The following CELF2 variants were observed in gnomAD, a reference collection of about 807,000 sequenced individuals.
CELF2 encodes the protein CUGBP Elav-like family member 2, also known as CUG triplet repeat RNA-binding protein 2.
In CELF2, 8 loss-of-function variants were observed where a neutral mutation model predicts 62.6. That is an observed-to-expected ratio of 0.13 (90% CI 0.07 to 0.23). The LOEUF is 0.23. Among genes scored for constraint, CELF2 ranks in the 10% least tolerant of loss-of-function variants. The probability of loss-of-function intolerance (pLI) is 1.00; values close to 1 mark genes in which losing one functional copy is unlikely to be tolerated. For missense variants in CELF2, 333 were observed against 671.0 expected (o/e 0.50, Z 5.56); for synonymous variants, 258 against 250.0 (o/e 1.03, Z -0.30).
intron 11 of CELF2, among the ~76,000 whole-genome samples, chr10:11,323,933 TTC>T (rs1389007522): frequency 5.0e-4 from 75 of 150,016 alleles, no homozygotes; most frequent in African/African-American, 1.7e-3. Flanking sequence ...TTTTTTTTTT[TTC>T]ATTTTAATAT....
At chr10:10,854,313 A>G (rs1333316934) in intron 1 of CELF2, among the ~76,000 whole-genome samples, 2 of 152,148 alleles carry the variant, frequency 1.3e-5, no homozygotes, top group African/African-American at 4.8e-5. Context: ...GTCAGCCCCA[A>G]GCTGTGAAAA....
chr10:10,722,527 A>G, the CELF2 span, among the ~76,000 whole-genome samples: 1 of 152,144 alleles, frequency 6.6e-6, no homozygotes, highest in Non-Finnish European at 1.5e-5. Context: ...AAACACAACT[A>G]TGTCCCTTTT....
the CELF2 span, among the ~76,000 whole-genome samples, chr10:10,524,423 A>T: frequency 6.6e-6 from 1 of 150,382 alleles, no homozygotes; most frequent in Non-Finnish European, 1.5e-5. Flanking sequence ...GTATGAACAC[A>T]GGTTCACAGG....
At chr10:10,695,040 C>A in the CELF2 span, among the ~76,000 whole-genome samples, 1 of 149,078 alleles carries the variant, frequency 6.7e-6, no homozygotes, top group African/African-American at 2.5e-5. Context: ...TGAATTTGAT[C>A]CTGTCATTAT....
At chr10:11,180,962 C>A (rs2073162992) in intron 2 of CELF2, among the ~76,000 whole-genome samples, 1 of 152,166 alleles carries the variant, frequency 6.6e-6, no homozygotes, top group African/African-American at 2.4e-5. Flanking sequence ...TTCTGCCTCC[C>A]AGGTTCAAGC....
the CELF2 span, among the ~76,000 whole-genome samples, chr10:10,628,840 T>A: frequency 3.9e-5 from 6 of 152,006 alleles, no homozygotes; most frequent in East Asian, 1.9e-4. Flanking sequence ...TTTAAAAATT[T>A]AAAAAAATAA....
chr10:11,054,401 A>G (rs2064687717), intron 1 of CELF2, among the ~76,000 whole-genome samples: 1 of 151,968 alleles, frequency 6.6e-6, no homozygotes, highest in South Asian at 2.1e-4. Context: ...AGGTGCTAAG[A>G]TTTTATTTTG....
rs1195036589 is a variant in CELF2 at position 11,321,856 on chromosome 10, TC to T, written c.1294+475del. On this transcript the variant is annotated intron_variant, in intron 11 of 12. Transcript: ENST00000633077. This position sits in a 1 kb window ranked among gnomAD's most constrained non-coding sequence, Gnocchi z 6.2. Reference sequence around the variant, plus strand: ...TGATAAATAAATGGTTTTAATTATTTCCCCCAGCTACATCTTCTGAAGGGTT... The same window carrying T: ...TGATAAATAAATGGTTTTAATTATTTCCCCAGCTACATCTTCTGAAGGGTT... Among the ~76,000 whole-genome samples the T allele has an allele frequency of 6.6e-6, 1 of 152,160 alleles. No homozygotes were observed. Among genetic ancestry groups the T allele is most frequent in the African/African-American group, 2.4e-5 (1 of 41,414 alleles).
At chr10:10,863,415 T>C (rs989045930) in intron 1 of CELF2, among the ~76,000 whole-genome samples, 1 of 152,168 alleles carries the variant, frequency 6.6e-6, no homozygotes, top group Non-Finnish European at 1.5e-5. Context: ...TCAAAAACAT[T>C]GACATTTCAA....
chr10:10,562,942 CT>C, the CELF2 span, among the ~76,000 whole-genome samples: 1 of 149,824 alleles, frequency 6.7e-6, no homozygotes, highest in Non-Finnish European at 1.5e-5. Context: ...TTTTTTAAAG[CT>C]AGGAACAAAG....
At chr10:10,845,464 C>A (rs200568033) in intron 1 of CELF2, among the ~76,000 whole-genome samples, 1 of 11,536 alleles carries the variant, frequency 8.7e-5, no homozygotes, top group Non-Finnish European at 1.5e-4. Context: ...GCAAAACATA[C>A]ACACACACAC....
Position 11,244,743 on chromosome 10 carries a change from A to G in CELF2, c.355-4410A>G, listed in dbSNP as rs1004299078. Among the ~76,000 whole-genome samples the G allele has an allele frequency of 1.3e-5, 2 of 151,992 alleles. No homozygotes were observed. Among genetic ancestry groups the G allele is most frequent in the African/African-American group, 4.8e-5 (2 of 41,384 alleles). On this transcript the variant is annotated intron_variant, in intron 3 of 12. Coordinates refer to ENST00000633077, the MANE Select transcript of CELF2 (RefSeq NM_001326342.2). The surrounding 1 kb of genome is among the most constrained non-coding windows in gnomAD (Gnocchi z 4.2). The stretch of plus-strand genomic sequence containing the variant: ...GATATCGTATCATTGTTCTTGATCA[A>G]CAGTAGGGCCTATTTTCTCTTATTC...
At chr10:10,561,731 C>T in the CELF2 span, among the ~76,000 whole-genome samples, 1 of 152,248 alleles carries the variant, frequency 6.6e-6, no homozygotes, top group South Asian at 2.1e-4. Flanking sequence ...CAGTCTCAAT[C>T]CTCCCTTTCC....
At chr10:10,650,485 G>A in the CELF2 span, among the ~76,000 whole-genome samples, 1 of 152,036 alleles carries the variant, frequency 6.6e-6, no homozygotes, top group Non-Finnish European at 1.5e-5. Context: ...CTACATTTTA[G>A]AGAGACCTAT....
intron 1 of CELF2, among the ~76,000 whole-genome samples, chr10:11,072,839 C>T (rs1263117465): frequency 1.3e-5 from 2 of 151,152 alleles, no homozygotes; most frequent in African/African-American, 2.4e-5. Flanking sequence ...CATTATAAAA[C>T]GGAGGTATGC....
chr10:10,759,795 T>C, the CELF2 span, among the ~76,000 whole-genome samples: 18 of 152,224 alleles, frequency 1.2e-4, no homozygotes, highest in Non-Finnish European at 2.2e-4. Context: ...AAGTATTTCC[T>C]GAATATGTAG....
At chr10:10,971,809 G>T (rs1212016488) in intron 2 of CELF2, among the ~76,000 whole-genome samples, 1 of 152,022 alleles carries the variant, frequency 6.6e-6, no homozygotes, top group Non-Finnish European at 1.5e-5. Flanking sequence ...CTGGTCTCGA[G>T]CTCCTGACCT....
intron 8 of CELF2, among the ~76,000 whole-genome samples, chr10:11,282,925 C>T (rs2089505808): frequency 6.6e-6 from 1 of 152,006 alleles, no homozygotes. Flanking sequence ...CTCTGGTGTA[C>T]AAGCACTTAA....
At chr10:10,980,411 A>G (rs1564303844) in intron 2 of CELF2, among the ~76,000 whole-genome samples, 1 of 152,298 alleles carries the variant, frequency 6.6e-6, no homozygotes, top group East Asian at 1.9e-4. Context: ...CTCGCCTCTT[A>G]GACTCAGGTG....
Sources: allele counts gnomAD v4.1 joint callset (sites outside exome capture counted in the v4.1 genomes callset), GRCh38; gene constraint gnomAD v4.1.1; non-coding constraint Gnocchi (gnomAD v3.1); transcripts MANE v1.5; gene names NCBI Gene and HGNC (gene_info 2026-07-23, HGNC 2026-07-21).